Variants in DIS3L2 observed in about 807,000 individuals in gnomAD.
DIS3L2 encodes the protein DIS3 like 3'-5' exoribonuclease 2.
In DIS3L2, 34 loss-of-function variants were observed where a neutral mutation model predicts 97.5. That is an observed-to-expected ratio of 0.35 (90% confidence interval 0.27 to 0.46). The LOEUF (loss-of-function observed/expected upper bound fraction) is 0.46, where lower values mean the gene tolerates loss of function less well. Ranked by LOEUF, DIS3L2 falls within the 20% of genes least tolerant of loss-of-function variation. DIS3L2 has a pLI of 1.00. For missense variants in DIS3L2, 1,038 were observed against 1,146.0 expected, an observed-to-expected ratio of 0.91 and a Z score of 1.36; for synonymous variants, 435 against 445.2, an observed-to-expected ratio of 0.98 and a Z score of 0.29.
At chr2:232,305,705 A>G (rs1260002372) in intron 14 of DIS3L2, among the ~76,000 whole-genome samples, 1 of 152,112 alleles carries the variant, frequency 6.6e-6, no homozygotes, top group Non-Finnish European at 1.5e-5. Flanking sequence ...CTGTAATCCC[A>G]GCACTTTGGG....
intron 10 of DIS3L2, among the ~76,000 whole-genome samples, chr2:232,232,217 C>G (rs1692812467): frequency 6.6e-6 from 1 of 151,768 alleles, no homozygotes; most frequent in African/African-American, 2.4e-5. Flanking sequence ...GTGGAAGAAA[C>G]AAGACCATGG....
intron 8 of DIS3L2, among the ~76,000 whole-genome samples, chr2:232,159,697 T>C (rs1690596035): frequency 6.6e-6 from 1 of 152,220 alleles, no homozygotes; most frequent in Non-Finnish European, 1.5e-5. Flanking sequence ...TTGTCTTCTT[T>C]CTGCTCCAAG....
At chr2:232,113,079 G>T (rs1266814974) in intron 6 of DIS3L2, among the ~76,000 whole-genome samples, 1 of 152,150 alleles carries the variant, frequency 6.6e-6, no homozygotes, top group Admixed American at 6.5e-5. Context: ...GGATTGTGAA[G>T]AGTCATCCAA....
intron 10 of DIS3L2, among the ~76,000 whole-genome samples, chr2:232,218,758 C>T (rs1379687861): frequency 1.3e-5 from 2 of 152,246 alleles, no homozygotes; most frequent in Non-Finnish European, 2.9e-5. Context: ...TTCCCTCCCT[C>T]CTCACTGTCT....
chr2:232,343,498 C>T lies in DIS3L2; in HGVS notation c.1735C>T (p.Gln579Ter). The change falls in exon 14 of 14, where the codon CAA becomes TAA. Residue 579 changes from glutamine (Q) to a stop codon, truncating the protein, a stop_gained. Coordinates refer to the DIS3L2 transcript ENST00000273009. LOFTEE classifies it high-confidence loss of function. ...AGACACACGACTGTTTTTCCTTCAGCAACAGAGCCGTGTATTGGAAGCAAA... is the reference window on the plus strand; with the variant it reads ...AGACACACGACTGTTTTTCCTTCAGTAACAGAGCCGTGTATTGGAAGCAAA... 1 of 1,556,942 alleles carries T rather than the reference C, an allele frequency of 6.4e-7. No individual in the cohort carries two copies. The highest frequency in any genetic ancestry group is 1.2e-5 in the South Asian group (1 of 84,482).
At chr2:232,334,108 G>C in intron 17 of DIS3L2, 121 bp downstream of exon 17, 1 of 1,436,264 alleles carries the variant, frequency 7.0e-7, no homozygotes, top group Non-Finnish European at 9.2e-7. Context: ...AGGGTCGGGC[G>C]ACCCAAGTGC....
downstream of DIS3L2, among the ~76,000 whole-genome samples, chr2:232,339,158 G>A (rs1391386579): frequency 2.6e-5 from 4 of 152,200 alleles, no homozygotes; most frequent in South Asian, 2.1e-4. Context: ...AGAGACTGAC[G>A]CCTCCCCAGT....
At chr2:232,207,686 C>T (rs1692068975) in intron 9 of DIS3L2, among the ~76,000 whole-genome samples, 1 of 152,152 alleles carries the variant, frequency 6.6e-6, no homozygotes, top group Admixed American at 6.5e-5. Flanking sequence ...ACCTGAATGG[C>T]ACCTACCTTT....
chr2:232,142,561 A>G (rs1269216544), intron 8 of DIS3L2, among the ~76,000 whole-genome samples: 1 of 152,126 alleles, frequency 6.6e-6, no homozygotes, highest in Non-Finnish European at 1.5e-5. Context: ...TCTTCATATC[A>G]ACACCAATTC....
chr2:232,140,560 G>C (rs1337597983), intron 8 of DIS3L2, among the ~76,000 whole-genome samples: 1 of 152,158 alleles, frequency 6.6e-6, no homozygotes, highest in Admixed American at 6.5e-5. Context: ...CATACAACAA[G>C]TATAAAAACT....
chr2:232,078,710 A>G (rs887097858), intron 5 of DIS3L2, among the ~76,000 whole-genome samples: 1 of 152,218 alleles, frequency 6.6e-6, no homozygotes, highest in Non-Finnish European at 1.5e-5. Context: ...ATACACAAAA[A>G]TGTGTAGTAT....
At chr2:231,976,020 G>A (rs1307144198) in intron 1 of DIS3L2, among the ~76,000 whole-genome samples, 1 of 151,704 alleles carries the variant, frequency 6.6e-6, no homozygotes, top group Non-Finnish European at 1.5e-5. Flanking sequence ...CCCTGTTTAA[G>A]AAGTAAATGT....
At chr2:232,118,178 C>T (rs539975350) in intron 6 of DIS3L2, among the ~76,000 whole-genome samples, 45 of 152,222 alleles carry the variant, frequency 3.0e-4, no homozygotes, top group African/African-American at 1.0e-3. Flanking sequence ...TCAGCTGGCA[C>T]GATGGAAGTC....
At position 232,336,785 on chromosome 2, in the gene DIS3L2, C is replaced by A; in HGVS notation, c.*155C>A. 6.9e-7 allele frequency: 1 copy of A among 1,458,734 alleles called. No homozygotes were observed. The highest frequency in any genetic ancestry group is 1.4e-5 in the African/African-American group (1 of 69,856). The allele number at this position is 1,458,734 out of a possible 1,614,324, so 90.4% of individuals were successfully genotyped here. Reference sequence around the variant, plus strand: ...TAATTTTTGCAGCTCAACTTTTAAACAAACTGCAGGGGAGAGGGTGGGGCT... The same window carrying A: ...TAATTTTTGCAGCTCAACTTTTAAAAAAACTGCAGGGGAGAGGGTGGGGCT... On this transcript the variant is annotated 3_prime_UTR_variant, in exon 21 of 21. Coordinates refer to ENST00000325385, the MANE Select transcript of DIS3L2 (RefSeq NM_152383.5).
chr2:232,070,748 C>T (rs1470498371), intron 5 of DIS3L2, among the ~76,000 whole-genome samples: 1 of 152,062 alleles, frequency 6.6e-6, no homozygotes, highest in Non-Finnish European at 1.5e-5. Flanking sequence ...CCACACCCAG[C>T]TAACGTTTGT....
At chr2:232,078,822 TA>T (rs1452088794) in intron 5 of DIS3L2, among the ~76,000 whole-genome samples, 1 of 152,212 alleles carries the variant, frequency 6.6e-6, no homozygotes, top group East Asian at 1.9e-4. Context: ...GAGGTATAGA[TA>T]AATTGCTTTG....
chr2:232,303,887 G>T (rs1041994490), intron 14 of DIS3L2, among the ~76,000 whole-genome samples: 2 of 152,174 alleles, frequency 1.3e-5, no homozygotes, highest in African/African-American at 4.8e-5. Flanking sequence ...CTGGGGTCCA[G>T]GGAGGACAGT....
intron 5 of DIS3L2, among the ~76,000 whole-genome samples, chr2:232,038,886 C>G (rs929002207): frequency 6.6e-6 from 1 of 152,146 alleles, no homozygotes; most frequent in Admixed American, 6.5e-5. Flanking sequence ...GTGTTTCTCC[C>G]TAGAGGCCTA....
chr2:231,963,724 CTT>C (rs1162220919), intron 1 of DIS3L2, among the ~76,000 whole-genome samples: 1 of 151,956 alleles, frequency 6.6e-6, no homozygotes, highest in East Asian at 1.9e-4. Flanking sequence ...AGCTTGAGGT[CTT>C]TTATTTTATT....
Sources: allele counts gnomAD v4.1 joint callset (sites outside exome capture counted in the v4.1 genomes callset), GRCh38; gene constraint gnomAD v4.1.1; transcripts MANE v1.5; gene names NCBI Gene and HGNC (gene_info 2026-07-23, HGNC 2026-07-21).